TPCN1: variants seen among roughly 807,000 people sequenced by gnomAD.
The protein encoded by TPCN1 is two pore segment channel 1, also known as two pore channel protein 1.
In TPCN1, 52 loss-of-function variants were observed where a neutral mutation model predicts 108.8. That is an observed-to-expected ratio of 0.48 (90% CI 0.38 to 0.60). The LOEUF (loss-of-function observed/expected upper bound fraction) is 0.60. Ranked by LOEUF, TPCN1 falls within the 20% of genes least tolerant of loss-of-function variation. The pLI, the probability that TPCN1 is intolerant of heterozygous loss-of-function variation, is 0.00. For missense variants in TPCN1, 806 were observed against 1,072.8 expected (o/e 0.75, Z 3.47); for synonymous variants, 446 against 433.7 (o/e 1.03, Z -0.35).
At position 113,272,625 on chromosome 12, in the gene TPCN1, T is replaced by A. The variant is rs1239074298; in HGVS notation, c.749-33T>A. 5 of 1,607,996 alleles carry A rather than the reference T, an allele frequency of 3.1e-6. No individual in the cohort carries two copies. Among genetic ancestry groups the A allele is most frequent in the African/African-American group, 2.7e-5 (2 of 74,792 alleles). On this transcript the variant is annotated intron_variant, in intron 7 of 27. Coordinates refer to ENST00000335509, the MANE Select transcript of TPCN1 (RefSeq NM_017901.6). This position sits in a 1 kb window ranked among gnomAD's most constrained non-coding sequence, Gnocchi z 4.1. ...CCAGGTTTTGGGACCTCTGCTCTAATCCTTTTGTTTATCTGTTTCCACCCA... is the reference window on the plus strand; with the variant it reads ...CCAGGTTTTGGGACCTCTGCTCTAAACCTTTTGTTTATCTGTTTCCACCCA...
chr12:113,271,093 A>T (rs1955480683), intron 7 of TPCN1, among the ~76,000 whole-genome samples: 1 of 151,996 alleles, frequency 6.6e-6, no homozygotes, highest in African/African-American at 2.4e-5. Flanking sequence ...CCCCATCTCT[A>T]CACACACACA....
Position 113,252,917 on chromosome 12 carries a change from C to T in TPCN1, c.113-7451C>T, listed in dbSNP as rs185511777. Among the ~76,000 whole-genome samples, 16 of 152,330 alleles carry T rather than the reference C, an allele frequency of 1.1e-4. No homozygotes were observed. In the East Asian group the frequency reaches 2.7e-3, roughly 26 times the overall value. ...AGAGAAGGGTCAGAATTACCAAGTT[C>T]AAACCGCACCCAGATGTCCCACCTC... On this transcript the variant is annotated intron_variant, in intron 2 of 27. Transcript: ENST00000335509.
chr12:113,245,585 A>G (rs1452337127), intron 2 of TPCN1, among the ~76,000 whole-genome samples: 1 of 116,756 alleles, frequency 8.6e-6, no homozygotes, highest in African/African-American at 3.6e-5. Flanking sequence ...TGGGCGACAG[A>G]GCAAGACTCC....
chr12:113,270,515 C>T (rs1449422655), intron 7 of TPCN1, among the ~76,000 whole-genome samples: 1 of 151,720 alleles, frequency 6.6e-6, no homozygotes, highest in African/African-American at 2.4e-5. Context: ...GAGTCTCACC[C>T]TGTCACCCAG....
chr12:113,250,174 C>T (rs1363588088), intron 2 of TPCN1: 1 of 152,234 alleles, frequency 6.6e-6, no homozygotes, highest in Admixed American at 6.5e-5. Context: ...TGCCATTGCC[C>T]TCCCTAAGCA....
Position 113,277,035 on chromosome 12 carries a change from G to A in TPCN1, c.1059G>A (p.Arg353=), listed in dbSNP as rs1955698680. The change falls in exon 11 of 28, where the codon AGG becomes AGA. Residue 353 remains arginine (R), a splice_region_variant and synonymous_variant. Coordinates refer to ENST00000335509, the MANE Select transcript of TPCN1 (RefSeq NM_017901.6). ...CCTACCGCCTGCTCATCAGCCAGAG[G>A]GTAGGAACTATGGGCCAGGGAGGGG... ...QHAYRLLISQ[R]RPAGISYRQF... is the part of the protein sequence containing the mutation. 1 of 1,613,366 alleles carries A rather than the reference G, an allele frequency of 6.2e-7. No individual in the cohort carries two copies. Among genetic ancestry groups the A allele is most frequent in the East Asian group, 2.2e-5 (1 of 44,874 alleles).
intron 2 of TPCN1, among the ~76,000 whole-genome samples, chr12:113,259,313 C>A (rs566842953): frequency 2.6e-5 from 4 of 152,160 alleles, no homozygotes; most frequent in Admixed American, 2.0e-4. Flanking sequence ...TCGGGTGGAT[C>A]ATTTACAATG....
Position 113,288,957 on chromosome 12 carries a change from C to T in TPCN1, c.1796+110C>T, listed in dbSNP as rs1956181403. ...TTGGGGTCCTCGGGGATGTTCCTGT[C>T]TAAGCAACCACCTTGCTTTGCTTTC... On this transcript the variant is annotated intron_variant, in intron 21 of 27. Transcript: ENST00000335509. This position sits in a 1 kb window ranked among gnomAD's most constrained non-coding sequence, Gnocchi z 4.8. The T allele has an allele frequency of 3.7e-6, 4 of 1,068,502 alleles. No homozygotes were observed. Among genetic ancestry groups the T allele is most frequent in the African/African-American group, 3.1e-5 (2 of 64,470 alleles). The allele number at this position is 1,068,502 out of a possible 1,614,324, so 66.2% of individuals were successfully genotyped here. A position where few individuals can be genotyped will look rare whatever the true frequency, so the allele number is the denominator to read the frequency against.
rs757773640 is a variant in TPCN1 at position 113,277,042 on chromosome 12, A to T, written c.1059+7A>T. ...CCTGCTCATCAGCCAGAGGGTAGGAACTATGGGCCAGGGAGGGGCTTGGTC... is the reference window on the plus strand; with the variant it reads ...CCTGCTCATCAGCCAGAGGGTAGGATCTATGGGCCAGGGAGGGGCTTGGTC... On this transcript the variant is annotated splice_region_variant and intron_variant, in intron 11 of 27. Coordinates refer to ENST00000335509, the MANE Select transcript of TPCN1 (RefSeq NM_017901.6). 1 of 1,612,434 alleles carries T rather than the reference A, an allele frequency of 6.2e-7. No individual in the cohort carries two copies.
intron 10 of TPCN1, among the ~76,000 whole-genome samples, chr12:113,275,003 T>TG: frequency 6.6e-6 from 1 of 152,342 alleles, no homozygotes; most frequent in Non-Finnish European, 1.5e-5. Context: ...TGTGGAGGTG[T>TG]GGACAGCCTC....
intron 3 of TPCN1, among the ~76,000 whole-genome samples, chr12:113,263,582 G>A (rs1593146741): frequency 6.6e-6 from 1 of 152,318 alleles, no homozygotes; most frequent in East Asian, 1.9e-4. Flanking sequence ...GCCTTTTCAC[G>A]CTTGCAGCCA....
intron 4 of TPCN1, among the ~76,000 whole-genome samples, chr12:113,267,613 C>T (rs2136620936): frequency 6.6e-6 from 1 of 152,206 alleles, no homozygotes; most frequent in African/African-American, 2.4e-5. Flanking sequence ...GATTTTTCAT[C>T]ATTTGGGCCA....
chr12:113,287,124 G>A (rs759484046), intron 19 of TPCN1, 30 bp downstream of exon 19: 8 of 1,565,736 alleles, frequency 5.1e-6, no homozygotes, highest in Middle Eastern at 1.7e-4. Context: ...CGGAGACAGG[G>A]AGAAAGAGAG....
intron 27 of TPCN1, 43 bp from the exon 28 acceptor site, chr12:113,295,917 G>A (rs1379021177): frequency 6.5e-7 from 1 of 1,528,082 alleles, no homozygotes; most frequent in Non-Finnish European, 8.8e-7. Context: ...CGGGGCAGGG[G>A]GTGGGGTGCA....
chr12:113,250,963 C>CA lies in TPCN1; in HGVS notation c.113-9395dup, dbSNP rs112213688. Among the ~76,000 whole-genome samples, 616 of 128,726 alleles carry CA rather than the reference C, an allele frequency of 4.8e-3. 1 individual carries two copies. The highest frequency in any genetic ancestry group is 5.9e-3 in the Non-Finnish European group (346 of 59,074). 84.4% of individuals were successfully genotyped at this position (128,726 alleles called of 152,430 possible). A position where few individuals can be genotyped will look rare whatever the true frequency, so the allele number is the denominator to read the frequency against. On this transcript the variant is annotated intron_variant, in intron 2 of 27. Coordinates refer to ENST00000335509, the MANE Select transcript of TPCN1 (RefSeq NM_017901.6). ...CCTGGGCGACAGAGCAACTCTGTCT[C>CA]AAAAAAAAAAGAAAAAATACATAAA...
intron 18 of TPCN1, among the ~76,000 whole-genome samples, chr12:113,286,468 C>T (rs1300668672): frequency 1.6e-5 from 2 of 128,616 alleles, no homozygotes; most frequent in Non-Finnish European, 3.4e-5. Context: ...TGGGAGGAGC[C>T]GACAGCACGT....
chr12:113,284,563 C>T lies in TPCN1; in HGVS notation c.1343-18C>T, dbSNP rs1250910499. On this transcript the variant is annotated intron_variant, in intron 15 of 27. Transcript: ENST00000335509. This position sits in a 1 kb window ranked among gnomAD's most constrained non-coding sequence, Gnocchi z 4.1. ...CCCCCTGTTATTTCTCTGTCTTTTA[C>T]GGGCCTGTGTATTTCAGACTTGGTG... 1.7e-5 allele frequency: 27 copies of T among 1,613,834 alleles called. No homozygotes were observed. The highest frequency in any genetic ancestry group is 2.0e-5 in the Non-Finnish European group (24 of 1,179,984).
rs1031649094 is a variant in TPCN1 at position 113,231,011 on chromosome 12, C to T, written c.112+4047C>T. On this transcript the variant is annotated intron_variant, in intron 2 of 27. Transcript: ENST00000335509. This position sits in a 1 kb window ranked among gnomAD's most constrained non-coding sequence, Gnocchi z 4.3. ...GACCTTTGTCTTTGGTTGCTGTAAA[C>T]CTTTGAAGTACTAAGGAGTTGGCAG... Among the ~76,000 whole-genome samples the T allele has an allele frequency of 3.3e-5, 5 of 152,352 alleles. No individual in the cohort carries two copies. The highest frequency in any genetic ancestry group is 1.9e-4 in the East Asian group (1 of 5,186).
chr12:113,296,166 T>G lies in TPCN1; in HGVS notation c.*90T>G. ...GGAACTGCGGTGTGTGTACACATAC[T>G]CACGTATATGCACATATTTATATAC... On this transcript the variant is annotated 3_prime_UTR_variant, in exon 28 of 28. Coordinates refer to ENST00000335509, the MANE Select transcript of TPCN1 (RefSeq NM_017901.6). 6.6e-7 allele frequency: 1 copy of G among 1,523,368 alleles called. No homozygotes were observed. Among genetic ancestry groups the G allele is most frequent in the Non-Finnish European group, 8.9e-7 (1 of 1,120,692 alleles). The allele number at this position is 1,523,368 out of a possible 1,614,324, so 94.4% of individuals were successfully genotyped here.
Sources: gnomAD v4.1 joint callset for allele counts (sites outside exome capture counted in the v4.1 genomes callset) on GRCh38, gnomAD v4.1.1 for gene constraint, Gnocchi (gnomAD v3.1) non-coding constraint, MANE v1.5 for transcripts, NCBI Gene and HGNC (gene_info 2026-07-23, HGNC 2026-07-21) for gene names.